The following AFAP1L2 variants were observed in gnomAD, a reference collection of about 807,000 sequenced individuals.
AFAP1L2 encodes actin filament-associated protein 1-like 2.
A neutral mutation model predicts 99.3 loss-of-function variants in AFAP1L2; 46 were observed. That is an observed-to-expected ratio of 0.46 (90% CI 0.37 to 0.59). The LOEUF (loss-of-function observed/expected upper bound fraction) is 0.59, where lower values mean the gene tolerates loss of function less well. Among genes scored for constraint, AFAP1L2 ranks in the 20% least tolerant of loss-of-function variants. The pLI is 0.00. For missense variants in AFAP1L2, 959 were observed against 1,034.9 expected (o/e 0.93, Z 1.01); for synonymous variants, 397 against 419.1 (o/e 0.95, Z 0.64).
intron 10 of AFAP1L2, among the ~76,000 whole-genome samples, chr10:114,305,479 G>T (rs2042086155): frequency 6.9e-6 from 1 of 145,382 alleles, no homozygotes; most frequent in East Asian, 2.1e-4. Context: ...GGACGCAGAT[G>T]CAGGAGGGGA....
At chr10:114,317,897 T>C (rs1198826866) in intron 5 of AFAP1L2, among the ~76,000 whole-genome samples, 1 of 152,150 alleles carries the variant, frequency 6.6e-6, no homozygotes. Flanking sequence ...TTACATGCAT[T>C]AGGATATTCA....
chr10:114,316,234 C>T (rs1377470465), intron 5 of AFAP1L2, among the ~76,000 whole-genome samples: 1 of 152,238 alleles, frequency 6.6e-6, no homozygotes, highest in East Asian at 1.9e-4. Context: ...AGAACGCCAT[C>T]CGTGCTCCAC....
chr10:114,340,557 C>G lies in AFAP1L2; in HGVS notation c.145+46G>C, dbSNP rs2135907578. Reference sequence around the variant, plus strand: ...GCAGCCCGCACTGACTCACAACCATCTCTTTTGGCGTGGAGGCCTCTGCAC... The same window carrying G: ...GCAGCCCGCACTGACTCACAACCATGTCTTTTGGCGTGGAGGCCTCTGCAC... On this transcript the variant is annotated intron_variant, in intron 2 of 18. Coordinates refer to ENST00000304129, the MANE Select transcript of AFAP1L2 (RefSeq NM_001001936.3). 2.5e-6 allele frequency: 4 copies of G among 1,581,108 alleles called. No homozygotes were observed. The African/African-American group carries it at 4.1e-5, about 16-fold the overall frequency.
chr10:114,355,258 T>C (rs551429524), intron 1 of AFAP1L2, among the ~76,000 whole-genome samples: 2,359 of 26,872 alleles, frequency 0.088, 27 homozygotes, highest in Non-Finnish European at 0.17. Flanking sequence ...CGCTCTCTCT[T>C]TTTTTTTTTT....
At position 114,321,803 on chromosome 10, in the gene AFAP1L2, C is replaced by T. The variant is rs148128493; in HGVS notation, c.406+1368G>A. 2.5e-3 allele frequency among the ~76,000 whole-genome samples: 376 copies of T among 152,310 alleles called. 2 individuals carry two copies. Among genetic ancestry groups the T allele is most frequent in the African/African-American group, 8.4e-3 (350 of 41,562 alleles). On this transcript the variant is annotated intron_variant, in intron 5 of 18. Transcript: ENST00000304129. The stretch of plus-strand genomic sequence containing the variant: ...CCAAGAGCACTTTTGATCCAACTTC[C>T]TCAGGCTGAGAGCCATCAGCCAAGG...
At chr10:114,376,379 G>T (rs1469017926) in intron 1 of AFAP1L2, among the ~76,000 whole-genome samples, 3 of 152,228 alleles carry the variant, frequency 2.0e-5, no homozygotes, top group Non-Finnish European at 2.9e-5. Context: ...ATTTAGTGGG[G>T]AAGAGAGGGA....
the AFAP1L2 span, chr10:114,289,473 T>G: frequency 1.2e-6 from 2 of 1,614,174 alleles, no homozygotes; most frequent in South Asian, 1.1e-5. Flanking sequence ...ACGTGCTCAT[T>G]GAGTGGCTGT....
chr10:114,292,728 G>A (rs1305535757), downstream of AFAP1L2, among the ~76,000 whole-genome samples: 1 of 151,556 alleles, frequency 6.6e-6, no homozygotes. Flanking sequence ...TTTTTGAGAC[G>A]GAGTTTTGCT....
chr10:114,334,880 C>A (rs566160005), intron 2 of AFAP1L2, among the ~76,000 whole-genome samples: 2 of 152,252 alleles, frequency 1.3e-5, no homozygotes, highest in Non-Finnish European at 2.9e-5. Context: ...AAGCACCTAA[C>A]CCTTGTGCCT....
intron 1 of AFAP1L2, among the ~76,000 whole-genome samples, chr10:114,359,222 A>G (rs2051854031): frequency 6.6e-6 from 1 of 152,240 alleles, no homozygotes; most frequent in Non-Finnish European, 1.5e-5. Flanking sequence ...CAGCATGGTG[A>G]TGATTTTGTT....
At chr10:114,343,464 T>G (rs2049081759) in intron 1 of AFAP1L2, among the ~76,000 whole-genome samples, 1 of 152,210 alleles carries the variant, frequency 6.6e-6, no homozygotes, top group Non-Finnish European at 1.5e-5. Flanking sequence ...TGCACTCATT[T>G]GCTCACCTCA....
chr10:114,299,932 C>T (rs536787561), intron 15 of AFAP1L2, among the ~76,000 whole-genome samples: 5 of 152,296 alleles, frequency 3.3e-5, no homozygotes, highest in African/African-American at 7.2e-5. Context: ...GCCAGGGGCT[C>T]TCGGGCCTTT....
At position 114,294,993 on chromosome 10, in the gene AFAP1L2, A is replaced by G. The variant is rs2039967226; in HGVS notation, c.*1049T>C. 5 of 976,522 alleles carry G rather than the reference A, an allele frequency of 5.1e-6. No homozygotes were observed. Among genetic ancestry groups the G allele is most frequent in the Non-Finnish European group, 6.1e-6 (5 of 823,772 alleles). 60.5% of individuals were successfully genotyped at this position (976,522 alleles called of 1,614,324 possible). A position where few individuals can be genotyped will look rare whatever the true frequency, so the allele number is the denominator to read the frequency against. On this transcript the variant is annotated 3_prime_UTR_variant, in exon 19 of 19. Transcript: ENST00000304129. ...CCTCCAGAAATGAGGCAGAGATAAT[A>G]GATGAAATGTTTCAACCTGTGTTAA...
intron 2 of AFAP1L2, 137 bp downstream of exon 2, chr10:114,340,466 C>T (rs1309292151): frequency 4.0e-6 from 5 of 1,241,664 alleles, no homozygotes; most frequent in Non-Finnish European, 4.4e-6. Flanking sequence ...TGTTAGACTT[C>T]TGGCCTCCAG....
At chr10:114,284,048 G>A in the AFAP1L2 span, among the ~76,000 whole-genome samples, 6 of 152,214 alleles carry the variant, frequency 3.9e-5, no homozygotes, top group African/African-American at 1.4e-4. Context: ...CCCTGGGAAG[G>A]AGGTCATGTG....
the AFAP1L2 span, chr10:114,289,428 C>T: frequency 6.2e-6 from 10 of 1,614,048 alleles, no homozygotes; most frequent in East Asian, 2.2e-5. Flanking sequence ...CCCTGATCCA[C>T]GTGGCAGCTT....
At chr10:114,302,564 G>C in intron 11 of AFAP1L2, 80 bp from the exon 12 acceptor site, 1 of 1,567,358 alleles carries the variant, frequency 6.4e-7, no homozygotes, top group Non-Finnish European at 8.7e-7. Flanking sequence ...GGCCATGACC[G>C]TACCCCTACC....
At chr10:114,332,245 T>C (rs1259103181) in intron 3 of AFAP1L2, among the ~76,000 whole-genome samples, 2 of 152,212 alleles carry the variant, frequency 1.3e-5, no homozygotes, top group Admixed American at 1.3e-4. Flanking sequence ...ATTATGGCTC[T>C]TTCCTCCCAC....
the AFAP1L2 span, chr10:114,284,935 T>C: frequency 1.5e-5 from 24 of 1,605,476 alleles, no homozygotes; most frequent in African/African-American, 2.7e-5. Context: ...TACCAGTGCC[T>C]CTGCCCGCTG....
Sources: allele counts gnomAD v4.1 joint callset (sites outside exome capture counted in the v4.1 genomes callset), GRCh38; gene constraint gnomAD v4.1.1; transcripts MANE v1.5; gene names NCBI Gene and HGNC (gene_info 2026-07-23, HGNC 2026-07-21).